The following PAFAH1B1 variants were observed in gnomAD, a reference collection of about 807,000 sequenced individuals.
The protein encoded by PAFAH1B1 is platelet activating factor acetylhydrolase 1b regulatory subunit 1, also known as platelet-activating factor acetylhydrolase IB subunit beta.
In PAFAH1B1, 2 loss-of-function variants were observed where a neutral mutation model predicts 57.5. That is an observed-to-expected ratio of 0.03 (90% CI 0.01 to 0.11). PAFAH1B1 has a LOEUF of 0.11. PAFAH1B1 is among the 10% of genes least tolerant of loss of function. PAFAH1B1 has a pLI of 1.00. For missense variants in PAFAH1B1, 257 were observed against 512.0 expected, an observed-to-expected ratio of 0.50 and a Z score of 4.81; for synonymous variants, 152 against 169.6, an observed-to-expected ratio of 0.90 and a Z score of 0.81.
intron 2 of PAFAH1B1, among the ~76,000 whole-genome samples, chr17:2,648,417 C>G (rs1323311306): frequency 6.6e-6 from 1 of 152,162 alleles, no homozygotes; most frequent in Non-Finnish European, 1.5e-5. Context: ...TGGCTCACAC[C>G]TGTAATCCCA....
At chr17:2,648,258 C>T (rs1025157230) in intron 2 of PAFAH1B1, among the ~76,000 whole-genome samples, 5 of 152,108 alleles carry the variant, frequency 3.3e-5, no homozygotes, top group Non-Finnish European at 7.4e-5. Flanking sequence ...TACCTTCCAC[C>T]GGGTCCCTCC....
chr17:2,601,653 G>A (rs993321258), intron 1 of PAFAH1B1, among the ~76,000 whole-genome samples: 2 of 152,140 alleles, frequency 1.3e-5, no homozygotes, highest in Non-Finnish European at 2.9e-5. Flanking sequence ...TGTTGGTCAG[G>A]CAGGCCTTGA....
chr17:2,656,330 G>A (rs1374758731), intron 2 of PAFAH1B1, among the ~76,000 whole-genome samples: 3 of 152,098 alleles, frequency 2.0e-5, no homozygotes, highest in Non-Finnish European at 2.9e-5. Flanking sequence ...TGTGCCTGTA[G>A]TTCCAGCTAC....
intron 2 of PAFAH1B1, among the ~76,000 whole-genome samples, chr17:2,653,731 T>C (rs1006799239): frequency 1.3e-4 from 20 of 152,150 alleles, no homozygotes; most frequent in Non-Finnish European, 2.9e-5. Flanking sequence ...AAATTTCAGA[T>C]GGTTATATTT....
chr17:2,674,020 G>T, intron 7 of PAFAH1B1, 40 bp from the exon 8 acceptor site: 1 of 1,411,580 alleles, frequency 7.1e-7, no homozygotes, highest in East Asian at 2.3e-5. Flanking sequence ...GTGTCCTGAT[G>T]ATTGTCATTC....
intron 2 of PAFAH1B1, among the ~76,000 whole-genome samples, chr17:2,645,843 A>T (rs1361459375): frequency 5.3e-5 from 8 of 150,648 alleles, no homozygotes; most frequent in Non-Finnish European, 1.0e-4. Flanking sequence ...TGACCTCGTG[A>T]TCCACCCGCC....
chr17:2,609,011 A>G (rs1282356522), intron 1 of PAFAH1B1, among the ~76,000 whole-genome samples: 1 of 152,150 alleles, frequency 6.6e-6, no homozygotes, highest in Non-Finnish European at 1.5e-5. Context: ...TTCTCTTTGC[A>G]TTGATGGTTA....
At chr17:2,612,992 A>G (rs1428314317) in intron 1 of PAFAH1B1, among the ~76,000 whole-genome samples, 2 of 151,834 alleles carry the variant, frequency 1.3e-5, no homozygotes, top group African/African-American at 4.8e-5. Context: ...TCAAAATAAA[A>G]TGTTTTGTAA....
intron 1 of PAFAH1B1, among the ~76,000 whole-genome samples, chr17:2,616,329 C>G (rs1364764269): frequency 6.6e-6 from 1 of 152,014 alleles, no homozygotes; most frequent in Non-Finnish European, 1.5e-5. Context: ...AGAAGCAAGG[C>G]CAATAGGGTG....
chr17:2,672,176 C>G (rs547788238), intron 6 of PAFAH1B1, among the ~76,000 whole-genome samples: 4 of 148,270 alleles, frequency 2.7e-5, no homozygotes, highest in Non-Finnish European at 5.9e-5. Flanking sequence ...TCCAGCTACC[C>G]GACAGGCTGA....
chr17:2,651,317 A>G lies in PAFAH1B1; in HGVS notation c.32+12997A>G, dbSNP rs1033585054. Among the ~76,000 whole-genome samples the G allele has an allele frequency of 7.3e-5, 11 of 150,852 alleles. No individual in the cohort carries two copies. The South Asian group carries it at 1.5e-3, about 20-fold the overall frequency. On this transcript the variant is annotated intron_variant, in intron 2 of 10. Coordinates refer to ENST00000397195, the MANE Select transcript of PAFAH1B1 (RefSeq NM_000430.4). ...TTTGGCCGGGTGCGGTGGCTCACGT[A>G]TGTAATCCTAGCATTTTGGGAGACT...
chr17:2,628,081 T>A (rs71359171), intron 1 of PAFAH1B1, among the ~76,000 whole-genome samples: 27,444 of 152,150 alleles, frequency 0.18, 3,117 homozygotes, highest in Non-Finnish European at 0.25. Flanking sequence ...CTTTCTCTTG[T>A]CTGATTGCTC....
rs947828055 is a variant in PAFAH1B1 at position 2,638,106 on chromosome 17, G to A, written c.-183G>A. The A allele has an allele frequency of 7.1e-5, 38 of 536,740 alleles. No homozygotes were observed. In the East Asian group the frequency reaches 1.1e-3, roughly 15 times the overall value. The allele number at this position is 536,740 out of a possible 1,614,324, so 33.2% of individuals were successfully genotyped here. A position where few individuals can be genotyped will look rare whatever the true frequency, so the allele number is the denominator to read the frequency against. On this transcript the variant is annotated 5_prime_UTR_variant, in exon 2 of 11. An upstream start codon of the reference 5' UTR is lost. Transcript: ENST00000397195. ...TCTTCTCTTTCTCCTTAGGTGGAAT[G>A]AATCTTACTTGTTGAATATCTTCTG...
intron 7 of PAFAH1B1, among the ~76,000 whole-genome samples, chr17:2,673,049 C>T (rs1392223451): frequency 6.6e-6 from 1 of 151,290 alleles, no homozygotes; most frequent in Non-Finnish European, 1.5e-5. Flanking sequence ...GCCTGGGCAA[C>T]AAGAGTGAGA....
intron 1 of PAFAH1B1, among the ~76,000 whole-genome samples, chr17:2,596,448 T>C (rs1197042735): frequency 1.3e-5 from 2 of 152,206 alleles, no homozygotes; most frequent in Non-Finnish European, 2.9e-5. Context: ...TCAGATCTTT[T>C]CTCTTGTGTT....
intron 2 of PAFAH1B1, among the ~76,000 whole-genome samples, chr17:2,664,407 CTTTT>C (rs529716131): frequency 2.9e-5 from 4 of 135,994 alleles, no homozygotes; most frequent in African/African-American, 8.2e-5. Flanking sequence ...CACACCTGGC[CTTTT>C]TTTTTTTTTT....
At chr17:2,655,585 A>G (rs1014163828) in intron 2 of PAFAH1B1, among the ~76,000 whole-genome samples, 10 of 152,116 alleles carry the variant, frequency 6.6e-5, no homozygotes, top group Non-Finnish European at 1.0e-4. Context: ...AGAGGTTGCA[A>G]TAAGCTGAGA....
chr17:2,604,624 A>G (rs1459551701), intron 1 of PAFAH1B1, among the ~76,000 whole-genome samples: 2 of 152,136 alleles, frequency 1.3e-5, no homozygotes, highest in Non-Finnish European at 2.9e-5. Context: ...CAGCCTGGCT[A>G]ACATGGTGAA....
rs1199973606 is a variant in PAFAH1B1, at chr17:2,685,261, T to TTG, written c.*3461_*3462dup. 1 of 152,642 alleles carries TTG rather than the reference T, an allele frequency of 6.6e-6. No homozygotes were observed. The highest frequency in any genetic ancestry group is 1.5e-5 in the Non-Finnish European group (1 of 68,040). The allele number at this position is 152,642 out of a possible 1,614,324, so 9.5% of individuals were successfully genotyped here. On this transcript the variant is annotated 3_prime_UTR_variant, in exon 11 of 11. Transcript: ENST00000397195. ...CTGTATCATGGAAGTAGCTGCTTGC[T>TTG]TGTACTGTCCATCCTTCAGGCATCC...
Sources: gnomAD v4.1 joint callset for allele counts (sites outside exome capture counted in the v4.1 genomes callset) on GRCh38, gnomAD v4.1.1 for gene constraint, MANE v1.5 for transcripts, NCBI Gene and HGNC (gene_info 2026-07-23, HGNC 2026-07-21) for gene names.